NAALADL2: variants seen among roughly 807,000 people sequenced by gnomAD.
NAALADL2 encodes the protein N-acetylated alpha-linked acidic dipeptidase like 2.
A neutral mutation model predicts 87.2 loss-of-function variants in NAALADL2; 76 were observed. The ratio of observed to expected loss-of-function variants is 0.87; its 90% CI spans 0.72 to 1.05. The LOEUF (loss-of-function observed/expected upper bound fraction) is 1.05. Among genes scored for constraint, NAALADL2 ranks in the 50% least tolerant of loss-of-function variants. The probability of loss-of-function intolerance (pLI) is 0.00; values close to 1 mark genes in which losing one functional copy is unlikely to be tolerated. For missense variants in NAALADL2, 1,089 were observed against 945.8 expected, an observed-to-expected ratio of 1.15 and a Z score of -1.99; for synonymous variants, 354 against 331.0, an observed-to-expected ratio of 1.07 and a Z score of -0.75.
At position 175,042,685 on chromosome 3, in the gene NAALADL2, A is replaced by G. The variant is rs1754226681; in HGVS notation, c.44-54105A>G. ...TTTGATATGCATTTCTCTGATGATT[A>G]GTGATATTGACCATATTTTCATATA... On this transcript the variant is annotated intron_variant, in intron 1 of 13. Transcript: ENST00000454872. Among the ~76,000 whole-genome samples, 2 of 152,166 alleles carry G rather than the reference A, an allele frequency of 1.3e-5. 1 individual carries two copies. Among genetic ancestry groups the G allele is most frequent in the South Asian group, 4.1e-4 (2 of 4,828 alleles).
chr3:175,612,097 T>C (rs1724724612), intron 10 of NAALADL2, among the ~76,000 whole-genome samples: 1 of 152,176 alleles, frequency 6.6e-6, no homozygotes, highest in South Asian at 2.1e-4. Flanking sequence ...AAGACTTGCA[T>C]TTAGCCCTTG....
rs78584881 is a variant in NAALADL2 at position 175,552,298 on chromosome 3, T to C, written c.1654-23743T>C. Among the ~76,000 whole-genome samples the C allele has an allele frequency of 5.3e-3, 809 of 152,330 alleles. 21 individuals are homozygous for C. The highest frequency in any genetic ancestry group is 0.035 in the Admixed American group (534 of 15,306). Reference sequence around the variant, plus strand: ...GTGTCTAAAAGAACAGTGTATTCACTAATAAATGATGTCTTCATATTTGCT... The same window carrying C: ...GTGTCTAAAAGAACAGTGTATTCACCAATAAATGATGTCTTCATATTTGCT... On this transcript the variant is annotated intron_variant, in intron 9 of 13. Transcript: ENST00000454872.
At chr3:175,580,114 A>G (rs1404971950) in intron 10 of NAALADL2, among the ~76,000 whole-genome samples, 1 of 152,166 alleles carries the variant, frequency 6.6e-6, no homozygotes, top group Non-Finnish European at 1.5e-5. Flanking sequence ...ATCATTTAAT[A>G]ACCCAGGGAC....
At chr3:175,064,327 A>T (rs1714141910) in intron 1 of NAALADL2, among the ~76,000 whole-genome samples, 1 of 152,062 alleles carries the variant, frequency 6.6e-6, no homozygotes, top group South Asian at 2.1e-4. Context: ...AAATCAAGTG[A>T]TGATGCTCAC....
chr3:175,073,836 G>A (rs752876719), intron 1 of NAALADL2, among the ~76,000 whole-genome samples: 4 of 151,920 alleles, frequency 2.6e-5, no homozygotes, highest in African/African-American at 7.2e-5. Flanking sequence ...ACAGTAATTC[G>A]AATGGAATGA....
intron 4 of NAALADL2, among the ~76,000 whole-genome samples, chr3:175,321,115 G>A (rs1437076211): frequency 6.7e-6 from 1 of 149,726 alleles, no homozygotes; most frequent in Non-Finnish European, 1.5e-5. Context: ...GAATCCAGCA[G>A]CACATCAAAA....
intron 2 of NAALADL2, among the ~76,000 whole-genome samples, chr3:174,654,883 C>T (rs1388936346): frequency 6.6e-6 from 1 of 152,040 alleles, no homozygotes; most frequent in African/African-American, 2.4e-5. Flanking sequence ...CTACAGGCGC[C>T]CACCACCATG....
intron 10 of NAALADL2, among the ~76,000 whole-genome samples, chr3:175,603,108 A>G (rs981116599): frequency 2.0e-5 from 3 of 152,136 alleles, no homozygotes; most frequent in East Asian, 1.9e-4. Context: ...AATTAACACA[A>G]TGTCTTTCAT....
intron 1 of NAALADL2, among the ~76,000 whole-genome samples, chr3:174,449,222 A>G (rs1047504559): frequency 1.3e-5 from 2 of 152,192 alleles, no homozygotes; most frequent in African/African-American, 4.8e-5. Context: ...TTAGCCAAAT[A>G]AAACTTTAAA....
chr3:175,769,988 G>GC (rs11407411), intron 13 of NAALADL2, among the ~76,000 whole-genome samples: 48,710 of 151,584 alleles, frequency 0.32, 9,839 homozygotes, highest in African/African-American at 0.57. Flanking sequence ...CTCATGTTTT[G>GC]TTTTGAGGCC....
At chr3:174,655,670 T>C (rs1724843983) in intron 2 of NAALADL2, among the ~76,000 whole-genome samples, 1 of 152,170 alleles carries the variant, frequency 6.6e-6, no homozygotes, top group Admixed American at 6.5e-5. Flanking sequence ...ATTTAAAAAT[T>C]AACTATAATA....
In NAALADL2 at chr3:175,536,825, C is replaced by G. The variant is rs181097641; in HGVS notation, c.1654-39216C>G. On this transcript the variant is annotated intron_variant, in intron 9 of 13. Transcript: ENST00000454872. ...GCAAACCCCGTCTCTACTAAAAATA[C>G]AAAAAAATTAGCCGGGCGTGGTGGC... 2.5e-3 allele frequency among the ~76,000 whole-genome samples: 378 copies of G among 152,052 alleles called. 2 individuals are homozygous for G. Among genetic ancestry groups the G allele is most frequent in the Admixed American group, 7.1e-3 (108 of 15,286 alleles).
chr3:175,202,275 A>G (rs991144341), intron 2 of NAALADL2, among the ~76,000 whole-genome samples: 20 of 152,202 alleles, frequency 1.3e-4, no homozygotes, highest in African/African-American at 4.6e-4. Flanking sequence ...CCAAGTGGTA[A>G]TGGTGGTCTC....
At chr3:175,670,355 T>A (rs55707020) in intron 11 of NAALADL2, among the ~76,000 whole-genome samples, 3,256 of 145,042 alleles carry the variant, frequency 0.022, 107 homozygotes, top group African/African-American at 0.083. Context: ...TGACTTTCAC[T>A]TTACTTTTTG....
At chr3:175,271,341 G>A (rs995788338) in intron 4 of NAALADL2, among the ~76,000 whole-genome samples, 1 of 152,032 alleles carries the variant, frequency 6.6e-6, no homozygotes, top group Non-Finnish European at 1.5e-5. Context: ...AAAAATTGAT[G>A]GATTAGGAAA....
intron 1 of NAALADL2, among the ~76,000 whole-genome samples, chr3:174,896,163 A>G (rs1731502934): frequency 6.6e-6 from 1 of 152,162 alleles, no homozygotes; most frequent in Non-Finnish European, 1.5e-5. Context: ...TCTACATAGT[A>G]CTGGAAATCC....
intron 2 of NAALADL2, among the ~76,000 whole-genome samples, chr3:174,692,428 T>A (rs1381829803): frequency 3.3e-5 from 5 of 152,312 alleles, no homozygotes; most frequent in Middle Eastern, 3.4e-3. Flanking sequence ...GTAGATTTTT[T>A]AAAAATAAAT....
intron 1 of NAALADL2, among the ~76,000 whole-genome samples, chr3:174,985,457 G>GT (rs1304473600): frequency 1.3e-5 from 2 of 152,252 alleles, no homozygotes; most frequent in East Asian, 3.9e-4. Flanking sequence ...GATGTGAACT[G>GT]TGACTGTTAA....
chr3:174,691,686 A>C (rs1490322571), intron 2 of NAALADL2, among the ~76,000 whole-genome samples: 1 of 152,214 alleles, frequency 6.6e-6, no homozygotes, highest in Non-Finnish European at 1.5e-5. Flanking sequence ...ATAGCATTTT[A>C]CCCATAGTAA....
Sources: gnomAD v4.1 joint callset for allele counts (sites outside exome capture counted in the v4.1 genomes callset) on GRCh38, gnomAD v4.1.1 for gene constraint, MANE v1.5 for transcripts, NCBI Gene and HGNC (gene_info 2026-07-23, HGNC 2026-07-21) for gene names.